SLCO1B1: variants seen among roughly 807,000 people sequenced by gnomAD.
The protein encoded by SLCO1B1 is OATP-2.
In SLCO1B1, 81 loss-of-function variants were observed where a neutral mutation model predicts 70.1. That is an observed-to-expected ratio of 1.16 (90% CI 0.97 to 1.39). The LOEUF is 1.39. Among genes scored for constraint, SLCO1B1 ranks in the 40% most tolerant of loss-of-function variants. The pLI is 0.00. For missense variants in SLCO1B1, 895 were observed against 799.6 expected (o/e 1.12, Z -1.44); for synonymous variants, 283 against 271.5 (o/e 1.04, Z -0.42).
intron 13 of SLCO1B1, among the ~76,000 whole-genome samples, chr12:21,222,892 A>G (rs1440953806): frequency 6.6e-6 from 1 of 152,150 alleles, no homozygotes; most frequent in East Asian, 1.9e-4. Flanking sequence ...ATTTGATGAT[A>G]AAGTCACAAA....
At position 21,238,199 on chromosome 12, in the gene SLCO1B1, G is replaced by C; in HGVS notation, c.1866-780G>C. Among the ~76,000 whole-genome samples the C allele has an allele frequency of 1.3e-5, 2 of 151,998 alleles. 1 individual carries two copies. The highest frequency in any genetic ancestry group is 2.9e-5 in the Non-Finnish European group (2 of 68,008). On this transcript the variant is annotated intron_variant, in intron 14 of 14. Transcript: ENST00000256958. ...TTCATTGATATATCCTCAAATTAGAGAGTCTTCATCAGTTGTGTTCTATCT... is the reference window on the plus strand; with the variant it reads ...TTCATTGATATATCCTCAAATTAGACAGTCTTCATCAGTTGTGTTCTATCT...
chr12:21,174,971 CG>C (rs1156607555), intron 4 of SLCO1B1, among the ~76,000 whole-genome samples: 2 of 151,962 alleles, frequency 1.3e-5, no homozygotes, highest in African/African-American at 4.8e-5. Flanking sequence ...TTTAGTATAA[CG>C]TATATACTGT....
At chr12:21,205,824 T>TTCTC (rs758413983) in intron 10 of SLCO1B1, 44 bp from the exon 11 acceptor site, 4 of 1,427,160 alleles carry the variant, frequency 2.8e-6, no homozygotes, top group Non-Finnish European at 3.9e-6. Flanking sequence ...TGTCTTTTTC[T>TTCTC]TCTCTCTCTC....
intron 2 of SLCO1B1, among the ~76,000 whole-genome samples, chr12:21,168,014 G>C (rs1381887378): frequency 6.6e-6 from 1 of 151,274 alleles, no homozygotes; most frequent in African/African-American, 2.4e-5. Context: ...GTAGAGATGG[G>C]GTTTCACTAT....
At chr12:21,222,397 A>AAAATATATAT (rs1555097342) in intron 13 of SLCO1B1, 33 bp downstream of exon 13, 17 of 97,724 alleles carry the variant, frequency 1.7e-4, no homozygotes, top group East Asian at 3.7e-4. Context: ...AAAAAAAAAA[A>AAAATATATAT]ATATATATAT....
At chr12:21,211,968 C>T (rs1941292600) in intron 11 of SLCO1B1, among the ~76,000 whole-genome samples, 1 of 149,518 alleles carries the variant, frequency 6.7e-6, no homozygotes, top group Non-Finnish European at 1.5e-5. Flanking sequence ...CTTTATTAGT[C>T]TTGCTAGCGG....
intron 7 of SLCO1B1, among the ~76,000 whole-genome samples, chr12:21,188,003 G>C (rs2121124056): frequency 6.6e-6 from 1 of 152,248 alleles, no homozygotes; most frequent in East Asian, 1.9e-4. Context: ...CTAGCAGAAG[G>C]ATTCTGATAA....
intron 14 of SLCO1B1, among the ~76,000 whole-genome samples, chr12:21,228,852 A>G (rs1225555578): frequency 6.6e-6 from 1 of 152,096 alleles, no homozygotes; most frequent in African/African-American, 2.4e-5. Context: ...TAGCTCACAC[A>G]CCCTTTTCTT....
At position 21,177,800 on chromosome 12, in the gene SLCO1B1, C is replaced by T. The variant is rs568629512; in HGVS notation, c.482-776C>T. Among the ~76,000 whole-genome samples the T allele has an allele frequency of 1.8e-4, 27 of 152,020 alleles. 1 individual carries two copies. The highest frequency in any genetic ancestry group is 3.5e-4 in the Non-Finnish European group (24 of 67,942). On this transcript the variant is annotated intron_variant, in intron 5 of 14. Transcript: ENST00000256958. ...TAAAACATAAGATACTGAATAAACA[C>T]ATTTGGAAACTTATTCAGCACATTA...
chr12:21,196,470 G>A (rs954849511), intron 7 of SLCO1B1, among the ~76,000 whole-genome samples: 1 of 152,118 alleles, frequency 6.6e-6, no homozygotes, highest in East Asian at 1.9e-4. Flanking sequence ...GCTGTCAGGA[G>A]AGTTGGAAAT....
chr12:21,178,739 A>G lies in SLCO1B1; in HGVS notation c.628+17A>G, dbSNP rs1227022140. On this transcript the variant is annotated intron_variant, in intron 6 of 14. Transcript: ENST00000256958. The stretch of plus-strand genomic sequence containing the variant: ...TGTATTTAGGTAATGTACACAAAAT[A>G]TTAAATTGTATGATCACTTTCCCTT... 3.8e-6 allele frequency: 6 copies of G among 1,584,692 alleles called. No homozygotes were observed. In the African/African-American group the frequency reaches 5.4e-5, roughly 14 times the overall value.
chr12:21,203,888 A>C (rs1188554187), intron 10 of SLCO1B1, among the ~76,000 whole-genome samples: 1 of 151,990 alleles, frequency 6.6e-6, no homozygotes, highest in African/African-American at 2.4e-5. Context: ...CTTAGTTCAA[A>C]AGCCTTCTTG....
At chr12:21,133,455 T>C (rs1940170287) in intron 1 of SLCO1B1, among the ~76,000 whole-genome samples, 1 of 152,228 alleles carries the variant, frequency 6.6e-6, no homozygotes, top group African/African-American at 2.4e-5. Flanking sequence ...TGATTCTTCC[T>C]GCCCATGAGC....
intron 11 of SLCO1B1, among the ~76,000 whole-genome samples, chr12:21,209,083 G>C (rs1004441957): frequency 7.3e-5 from 11 of 151,540 alleles, no homozygotes; most frequent in African/African-American, 2.7e-4. Context: ...TATACTTTAA[G>C]TTTTAGGGTA....
chr12:21,163,223 C>G (rs1940643546), intron 2 of SLCO1B1, among the ~76,000 whole-genome samples: 1 of 151,910 alleles, frequency 6.6e-6, no homozygotes, highest in Non-Finnish European at 1.5e-5. Context: ...AATGACATTT[C>G]CTATATTTTC....
At chr12:21,138,711 T>C (rs1243816807) in intron 1 of SLCO1B1, among the ~76,000 whole-genome samples, 1 of 152,100 alleles carries the variant, frequency 6.6e-6, no homozygotes, top group East Asian at 1.9e-4. Flanking sequence ...GGAGATATTA[T>C]CAACAGGTGG....
At chr12:21,200,447 T>G in intron 8 of SLCO1B1, 61 bp from the exon 9 acceptor site, 1 of 1,125,358 alleles carries the variant, frequency 8.9e-7, no homozygotes, top group East Asian at 2.6e-5. Context: ...TCACAAATTT[T>G]AGATATAAAT....
At chr12:21,137,948 C>T (rs1439768737) in intron 1 of SLCO1B1, among the ~76,000 whole-genome samples, 1 of 152,210 alleles carries the variant, frequency 6.6e-6, no homozygotes, top group East Asian at 1.9e-4. Context: ...GAGCTGTAGA[C>T]CAGAGCTGTT....
chr12:21,188,338 T>G (rs1940986888), intron 7 of SLCO1B1, among the ~76,000 whole-genome samples: 1 of 152,136 alleles, frequency 6.6e-6, no homozygotes, highest in South Asian at 2.1e-4. Context: ...CCACTTCAAC[T>G]TAATAGTAAA....
Sources: allele counts gnomAD v4.1 joint callset (sites outside exome capture counted in the v4.1 genomes callset), GRCh38; gene constraint gnomAD v4.1.1; transcripts MANE v1.5; gene names NCBI Gene and HGNC (gene_info 2026-07-23, HGNC 2026-07-21).